Variants in MTOR observed in about 807,000 individuals in gnomAD.
MTOR encodes the protein serine/threonine-protein kinase mTOR.
Under a neutral mutation model 319.8 loss-of-function variants are expected in MTOR, and 70 were observed. That is an observed-to-expected ratio of 0.22 (90% CI 0.18 to 0.27). The LOEUF is 0.27. Ranked by LOEUF, MTOR falls within the 10% of genes least tolerant of loss-of-function variation. MTOR has a pLI of 1.00. For missense variants in MTOR, 1,890 were observed against 3,274.4 expected (o/e 0.58, Z 10.32); for synonymous variants, 1,183 against 1,211.4 (o/e 0.98, Z 0.49).
At chr1:11,260,738 T>G (rs1008113694) in intron 1 of MTOR, among the ~76,000 whole-genome samples, 1 of 151,954 alleles carries the variant, frequency 6.6e-6, no homozygotes, top group Admixed American at 6.6e-5. Context: ...TAGCGAGTCT[T>G]CAAAATCTAA....
At chr1:11,254,103 A>G in intron 5 of MTOR, 130 bp from the exon 6 acceptor site, 1 of 1,011,846 alleles carries the variant, frequency 9.9e-7, no homozygotes, top group Non-Finnish European at 1.5e-6. Flanking sequence ...CCAGTCATCA[A>G]CAAAACTAAC....
intron 8 of MTOR, 35 bp downstream of exon 8, chr1:11,247,590 A>G (rs760613486): frequency 2.5e-6 from 4 of 1,571,278 alleles, no homozygotes; most frequent in Admixed American, 3.3e-5. Context: ...GTTTACCCTG[A>G]GATGGGTAAT....
chr1:11,158,284 T>TTC, intron 29 of MTOR, among the ~76,000 whole-genome samples: 1 of 152,202 alleles, frequency 6.6e-6, no homozygotes, highest in East Asian at 1.9e-4. Context: ...CCACACTAGT[T>TTC]TCTCCCATTA....
In MTOR at chr1:11,122,796, C is replaced by T. The variant is rs562535242; in HGVS notation, c.6663-670G>A. ...TGCTGGGATTACAGGCGTGAGCCAC[C>T]GCGCCCGGCGGCCCTGACTATTTTT... On this transcript the variant is annotated intron_variant, in intron 47 of 57. Transcript: ENST00000361445. Among the ~76,000 whole-genome samples, 35 of 152,146 alleles carry T rather than the reference C, an allele frequency of 2.3e-4. No individual in the cohort carries two copies. In the South Asian group the frequency reaches 5.8e-3, roughly 25 times the overall value.
intron 19 of MTOR, chr1:11,226,148 A>C (rs1316645262): frequency 6.6e-6 from 1 of 152,184 alleles, no homozygotes; most frequent in African/African-American, 2.4e-5. Context: ...ATTAAAAGAG[A>C]AAAACCATAT....
chr1:11,232,322 A>G, intron 16 of MTOR, 114 bp downstream of exon 16: 1 of 647,320 alleles, frequency 1.5e-6, no homozygotes, highest in Non-Finnish European at 2.7e-6. Context: ...AGCACCTACT[A>G]TGTGTCACAC....
intron 5 of MTOR, 121 bp downstream of exon 5, chr1:11,255,871 T>C (rs1650334555): frequency 9.7e-6 from 9 of 927,228 alleles, no homozygotes; most frequent in Middle Eastern, 3.5e-4. Flanking sequence ...AAAAATTCAT[T>C]TGAGAGCAAA....
intron 28 of MTOR, among the ~76,000 whole-genome samples, chr1:11,173,447 T>A (rs943581520): frequency 3.3e-5 from 5 of 151,868 alleles, no homozygotes; most frequent in South Asian, 2.1e-4. Flanking sequence ...CATTATTATT[T>A]TTTTTTTGTA....
At chr1:11,243,684 T>C (rs1648402558) in intron 8 of MTOR, among the ~76,000 whole-genome samples, 1 of 144,394 alleles carries the variant, frequency 6.9e-6, no homozygotes, top group Middle Eastern at 3.5e-3. Flanking sequence ...AAAGAGCCTG[T>C]CTCAAAAAAA....
Position 11,192,202 on chromosome 1 carries a change from C to T in MTOR, c.4253+7056G>A, listed in dbSNP as rs1409745788. ...CCCAGGGTAGAAATAAAGGCTCAGT[C>T]TCTAAACACTCAACTCAGATGGAGC... On this transcript the variant is annotated intron_variant, in intron 28 of 57. Coordinates refer to ENST00000361445, the MANE Select transcript of MTOR (RefSeq NM_004958.4). 10 of 1,175,844 alleles carry T rather than the reference C, an allele frequency of 8.5e-6. No individual in the cohort carries two copies. The East Asian group carries it at 1.6e-4, about 19-fold the overall frequency. The allele number at this position is 1,175,844 out of a possible 1,614,324, so 72.8% of individuals were successfully genotyped here. A position where few individuals can be genotyped will look rare whatever the true frequency, so the allele number is the denominator to read the frequency against.
intron 54 of MTOR, among the ~76,000 whole-genome samples, chr1:11,110,153 C>T (rs764520409): frequency 1.3e-4 from 20 of 152,116 alleles, no homozygotes; most frequent in Non-Finnish European, 2.8e-4. Flanking sequence ...TCAAAAGCCT[C>T]GTGACAAAAT....
At chr1:11,243,088 G>A (rs2100921535) in intron 9 of MTOR, 26 bp downstream of exon 9, 1 of 1,611,982 alleles carries the variant, frequency 6.2e-7, no homozygotes, top group Non-Finnish European at 8.5e-7. Flanking sequence ...TGGAGTGGAA[G>A]GTGAAATCAT....
intron 38 of MTOR, chr1:11,131,922 G>C (rs1258684339): frequency 1.3e-5 from 2 of 152,188 alleles, no homozygotes; most frequent in East Asian, 3.8e-4. Flanking sequence ...TACTTGATGA[G>C]TAAGAATTCT....
At chr1:11,150,589 C>CTG (rs370466710) in intron 30 of MTOR, among the ~76,000 whole-genome samples, 44 of 152,302 alleles carry the variant, frequency 2.9e-4, no homozygotes, top group African/African-American at 1.0e-3. Context: ...AGAGACGCAT[C>CTG]TGGACATTCA....
At position 11,212,412 on chromosome 1, in the gene MTOR, C is replaced by T. The variant is rs768076455; in HGVS notation, c.3461G>A (p.Arg1154Gln). 1.9e-6 allele frequency: 3 copies of T among 1,614,106 alleles called. No individual in the cohort carries two copies. The highest frequency in any genetic ancestry group is 1.1e-5 in the South Asian group (1 of 91,078). ...ESLDFTDYAS[R>Q]IIHPIVRTLD... Reference sequence around the variant, plus strand: ...TGTTCGAACAATAGGGTGAATGATCCGGGAGGCATAGTCAGTGAAATCCAG... The same window carrying T: ...TGTTCGAACAATAGGGTGAATGATCTGGGAGGCATAGTCAGTGAAATCCAG... Residue 1154 changes from arginine to glutamine, a missense_variant, in exon 23 of 58, where the codon CGG (arginine) becomes CAG (glutamine). Around this residue, in one of 15 missense-constraint regions of MTOR, gnomAD observed 377 missense variants for 653.9 expected, o/e 0.58. Coordinates refer to ENST00000361445, the MANE Select transcript of MTOR (RefSeq NM_004958.4). This position sits in a 1 kb window ranked among gnomAD's most constrained non-coding sequence, Gnocchi z 4.1.
chr1:11,259,814 G>GTGT (rs1374387606), intron 1 of MTOR, among the ~76,000 whole-genome samples: 2 of 152,118 alleles, frequency 1.3e-5, no homozygotes, highest in African/African-American at 2.4e-5. Context: ...GTGGTGGCAT[G>GTGT]TGTCACCCAG....
intron 25 of MTOR, 137 bp from the exon 26 acceptor site, chr1:11,204,840 A>T: frequency 9.8e-7 from 1 of 1,022,328 alleles, no homozygotes; most frequent in Non-Finnish European, 1.4e-6. Flanking sequence ...TAGAGTACAA[A>T]TACAAAAGAA....
At chr1:11,139,784 C>T (rs1002524456) in intron 34 of MTOR, 126 bp from the exon 35 acceptor site, 17 of 1,170,056 alleles carry the variant, frequency 1.5e-5, no homozygotes, top group Middle Eastern at 2.8e-4. Context: ...CTCTGCCTCC[C>T]GGGTTCAAGC....
At position 11,128,326 on chromosome 1, in the gene MTOR, A is replaced by G; in HGVS notation, c.5910+128T>C. The G allele has an allele frequency of 8.0e-7, 1 of 1,242,360 alleles. No homozygotes were observed. The highest frequency in any genetic ancestry group is 1.1e-6 in the Non-Finnish European group (1 of 878,352). The allele number at this position is 1,242,360 out of a possible 1,614,324, so 77.0% of individuals were successfully genotyped here. A position where few individuals can be genotyped will look rare whatever the true frequency, so the allele number is the denominator to read the frequency against. On this transcript the variant is annotated intron_variant, in intron 42 of 57. Coordinates refer to ENST00000361445, the MANE Select transcript of MTOR (RefSeq NM_004958.4). The surrounding 1 kb of genome is among the most constrained non-coding windows in gnomAD (Gnocchi z 5.3). ...GGCCCTCTGGGACGGCTGGCTGGAC[A>G]GACCCTCCTGGGCCAGGATGGAACA...
Sources: allele counts gnomAD v4.1 joint callset (sites outside exome capture counted in the v4.1 genomes callset), GRCh38; gene constraint gnomAD v4.1.1; regional missense constraint gnomAD v4.1.1; non-coding constraint Gnocchi (gnomAD v3.1); transcripts MANE v1.5; gene names NCBI Gene and HGNC (gene_info 2026-07-23, HGNC 2026-07-21).